The following PCDH17 variants were observed in gnomAD, a reference collection of about 807,000 sequenced individuals.
PCDH17 encodes protocadherin 17.
Under a neutral mutation model 67.7 loss-of-function variants are expected in PCDH17, and 21 were observed. The ratio of observed to expected loss-of-function variants is 0.31; its 90% CI spans 0.22 to 0.45. The LOEUF is 0.45. Among genes scored for constraint, PCDH17 ranks in the 20% least tolerant of loss-of-function variants. PCDH17 has a pLI of 1.00. For missense variants in PCDH17, 1,471 were observed against 1,564.8 expected (o/e 0.94, Z 1.01); for synonymous variants, 701 against 656.7 (o/e 1.07, Z -1.03).
chr13:57,632,833 G>A lies in PCDH17; in HGVS notation c.287G>A (p.Cys96Tyr). The change falls in exon 1 of 4, where the codon TGC (cysteine) becomes TAC (tyrosine). Residue 96 changes from cysteine to tyrosine, a missense_variant. By Grantham distance (194) the Cys-to-Tyr change is radical. Around this residue, in one of 3 missense-constraint regions of PCDH17, gnomAD observed 1,163 missense variants for 1,230.0 expected, o/e 0.95. Coordinates refer to ENST00000377918, the MANE Select transcript of PCDH17 (RefSeq NM_001040429.3). ...CAGCGCATCGACCGCGAGTCCCTGT[G>A]CCGCCACAATGCCAAGTGCCAGCTG... ...TKQRIDRESL[C>Y]RHNAKCQLSL... 1 of 1,613,834 alleles carries A rather than the reference G, an allele frequency of 6.2e-7. No homozygotes were observed. Among genetic ancestry groups the A allele is most frequent in the Non-Finnish European group, 8.5e-7 (1 of 1,180,012 alleles).
chr13:57,672,039 C>A (rs1955329030), intron 3 of PCDH17, among the ~76,000 whole-genome samples: 1 of 151,964 alleles, frequency 6.6e-6, no homozygotes, highest in African/African-American at 2.4e-5. Context: ...GTTAGAAAAT[C>A]TGTCTTCTTA....
chr13:57,717,932 C>T (rs1408837678), intron 3 of PCDH17, among the ~76,000 whole-genome samples: 3 of 151,772 alleles, frequency 2.0e-5, no homozygotes, highest in East Asian at 1.9e-4. Context: ...TCCTCAGGTC[C>T]TATGTCTAAT....
At chr13:57,648,388 A>T (rs1954992904) in intron 1 of PCDH17, among the ~76,000 whole-genome samples, 1 of 151,986 alleles carries the variant, frequency 6.6e-6, no homozygotes, top group Non-Finnish European at 1.5e-5. Context: ...GCTCCCAGGA[A>T]ATATAATTGG....
At chr13:57,703,627 C>T (rs1015041546) in intron 3 of PCDH17, among the ~76,000 whole-genome samples, 5 of 152,006 alleles carry the variant, frequency 3.3e-5, no homozygotes, top group African/African-American at 7.2e-5. Context: ...TTAGTATTCT[C>T]TTTTTTAGAA....
chr13:57,657,506 A>T (rs776896462), intron 1 of PCDH17, among the ~76,000 whole-genome samples: 3 of 152,226 alleles, frequency 2.0e-5, no homozygotes, highest in African/African-American at 7.2e-5. Flanking sequence ...TGCCTACTTC[A>T]GCAATGTAGA....
At chr13:57,720,623 C>G (rs1955864672) in intron 3 of PCDH17, among the ~76,000 whole-genome samples, 1 of 151,836 alleles carries the variant, frequency 6.6e-6, no homozygotes, top group South Asian at 2.1e-4. Context: ...AGTTAATGTT[C>G]AGAAATGCAT....
chr13:57,648,189 A>T (rs905540248), intron 1 of PCDH17, among the ~76,000 whole-genome samples: 2 of 151,876 alleles, frequency 1.3e-5, no homozygotes, highest in African/African-American at 4.8e-5. Flanking sequence ...GAGGGAAGGA[A>T]AGGAGCTGTG....
intron 3 of PCDH17, among the ~76,000 whole-genome samples, chr13:57,691,399 C>T (rs745477825): frequency 6.6e-6 from 1 of 151,070 alleles, no homozygotes; most frequent in South Asian, 2.1e-4. Flanking sequence ...CAAATCTGAA[C>T]TTATGGCCAG....
At chr13:57,641,853 A>G (rs1417148754) in intron 1 of PCDH17, among the ~76,000 whole-genome samples, 1 of 151,344 alleles carries the variant, frequency 6.6e-6, no homozygotes, top group Non-Finnish European at 1.5e-5. Flanking sequence ...CATAACAATA[A>G]AAGACCATTT....
At chr13:57,641,517 C>T (rs1954892332) in intron 1 of PCDH17, among the ~76,000 whole-genome samples, 2 of 127,648 alleles carry the variant, frequency 1.6e-5, no homozygotes, top group Non-Finnish European at 3.2e-5. Context: ...CAAGTTCTTC[C>T]GGGGATAGAC....
chr13:57,678,568 G>T (rs541736734), intron 3 of PCDH17, among the ~76,000 whole-genome samples: 2 of 151,688 alleles, frequency 1.3e-5, no homozygotes, highest in South Asian at 4.2e-4. Flanking sequence ...ATAATAGGTG[G>T]CTCTAATCTT....
At chr13:57,693,270 TA>T (rs1297318324) in intron 3 of PCDH17, among the ~76,000 whole-genome samples, 1 of 140,582 alleles carries the variant, frequency 7.1e-6, no homozygotes, top group East Asian at 2.0e-4. Context: ...GTATTTGAGG[TA>T]AAAAAAATTT....
Position 57,725,513 on chromosome 13 carries a change from A to G in PCDH17, c.*219A>G, listed in dbSNP as rs1456160303. 6.0e-6 allele frequency: 3 copies of G among 499,210 alleles called. No homozygotes were observed. Among genetic ancestry groups the G allele is most frequent in the Admixed American group, 7.1e-5 (2 of 28,348 alleles). The allele number at this position is 499,210 out of a possible 1,614,324, so 30.9% of individuals were successfully genotyped here. ...TCGTTTTGACCAAACTTGTATTAGG[A>G]CAGAATTAATGATGCTTAAAGAGAA... On this transcript the variant is annotated 3_prime_UTR_variant, in exon 4 of 4. Transcript: ENST00000377918.
At chr13:57,643,939 T>C (rs1954934845) in intron 1 of PCDH17, among the ~76,000 whole-genome samples, 1 of 151,776 alleles carries the variant, frequency 6.6e-6, no homozygotes, top group South Asian at 2.1e-4. Flanking sequence ...TTTGGCATGG[T>C]ATGCATAGAA....
Position 57,725,913 on chromosome 13 carries a change from CA to C in PCDH17, c.*629del, listed in dbSNP as rs1001264648. The stretch of plus-strand genomic sequence containing the variant: ...CCATATCATTAGTCGAAAACAAAAA[CA>C]AAAAAAAAACCTTTGGTCATTTGTA... On this transcript the variant is annotated 3_prime_UTR_variant, in exon 4 of 4. Coordinates refer to ENST00000377918, the MANE Select transcript of PCDH17 (RefSeq NM_001040429.3). The C allele has an allele frequency of 9.0e-5, 13 of 145,184 alleles. No homozygotes were observed. Among genetic ancestry groups the C allele is most frequent in the African/African-American group, 2.3e-4 (9 of 39,472 alleles). 9.0% of individuals were successfully genotyped at this position (145,184 alleles called of 1,614,324 possible). A position where few individuals can be genotyped will look rare whatever the true frequency, so the allele number is the denominator to read the frequency against.
intron 3 of PCDH17, among the ~76,000 whole-genome samples, chr13:57,678,290 G>A (rs1490945635): frequency 3.3e-5 from 5 of 151,464 alleles, no homozygotes; most frequent in African/African-American, 7.3e-5. Flanking sequence ...TAATGGAGAG[G>A]GAGCTGGGGT....
chr13:57,632,893 G>A lies in PCDH17; in HGVS notation c.347G>A (p.Cys116Tyr). ...LEVFANDKEI[C>Y]MIKVEIQDIN... is the part of the protein sequence containing the mutation. Reference sequence around the variant, plus strand: ...GTGTTCGCCAACGACAAGGAGATCTGCATGATCAAGGTAGAGATCCAGGAC... The same window carrying A: ...GTGTTCGCCAACGACAAGGAGATCTACATGATCAAGGTAGAGATCCAGGAC... The change falls in exon 1 of 4, where the codon TGC (cysteine) becomes TAC (tyrosine). Residue 116 changes from cysteine (C) to tyrosine (Y), a missense_variant. Physicochemically the swap from Cys to Tyr is radical, Grantham distance 194. Around this residue, in one of 3 missense-constraint regions of PCDH17, gnomAD observed 1,163 missense variants for 1,230.0 expected, o/e 0.95. Coordinates refer to ENST00000377918, the MANE Select transcript of PCDH17 (RefSeq NM_001040429.3). 6.2e-7 allele frequency: 1 copy of A among 1,614,044 alleles called. No homozygotes were observed. The highest frequency in any genetic ancestry group is 8.5e-7 in the Non-Finnish European group (1 of 1,180,010).
intron 3 of PCDH17, among the ~76,000 whole-genome samples, chr13:57,721,984 A>G (rs973046592): frequency 1.3e-5 from 2 of 152,168 alleles, no homozygotes; most frequent in South Asian, 2.1e-4. Context: ...TGTTTGTACA[A>G]AAGTGTCCAT....
intron 3 of PCDH17, among the ~76,000 whole-genome samples, chr13:57,667,078 T>G (rs770312788): frequency 6.6e-6 from 1 of 152,176 alleles, no homozygotes; most frequent in African/African-American, 2.4e-5. Context: ...GTCACTTGAT[T>G]GTTCTTATTT....
Sources: allele counts gnomAD v4.1 joint callset (sites outside exome capture counted in the v4.1 genomes callset), GRCh38; gene constraint gnomAD v4.1.1; regional missense constraint gnomAD v4.1.1; transcripts MANE v1.5; gene names NCBI Gene and HGNC (gene_info 2026-07-23, HGNC 2026-07-21).